MAST3: variants seen among roughly 807,000 people sequenced by gnomAD.
The protein encoded by MAST3 is microtubule-associated serine/threonine-protein kinase 3.
In MAST3, 43 loss-of-function variants were observed where a neutral mutation model predicts 127.0. That is an observed-to-expected ratio of 0.34 (90% CI 0.27 to 0.44). The LOEUF is 0.44. Among genes scored for constraint, MAST3 ranks in the 20% least tolerant of loss-of-function variants. The pLI is 1.00. For missense variants in MAST3, 1,390 were observed against 1,919.1 expected (o/e 0.72, Z 5.15); for synonymous variants, 785 against 809.2 (o/e 0.97, Z 0.51).
rs2040218432 is a variant in MAST3, at chr19:18,123,359, G to A, written c.542G>A (p.Arg181His). 2.5e-6 allele frequency: 4 copies of A among 1,612,108 alleles called. No homozygotes were observed. The highest frequency in any genetic ancestry group is 3.4e-6 in the Non-Finnish European group (4 of 1,179,542). Residue 181 changes from arginine to histidine, a missense_variant, in exon 7 of 28, where the codon CGC becomes CAC. Physicochemically the swap from Arg to His is conservative, Grantham distance 29. Coordinates refer to ENST00000687212, the MANE Select transcript of MAST3 (RefSeq NM_001393504.1). ...GGCCGGTCACCCCGCCTCCGACCCC[G>A]CTCTCGCAGTCTCAGGTGGGCCGCG... ...EGGRSPRLRP[R>H]SRSLSPGRAT...
intron 1 of MAST3, among the ~76,000 whole-genome samples, chr19:18,101,857 A>G (rs1485105050): frequency 2.3e-5 from 3 of 132,118 alleles, no homozygotes; most frequent in Admixed American, 1.6e-4. Flanking sequence ...GTGTTTCACC[A>G]TGTTGGCCAG....
At chr19:18,105,361 A>G (rs1406012579) in intron 1 of MAST3, among the ~76,000 whole-genome samples, 2 of 151,464 alleles carry the variant, frequency 1.3e-5, no homozygotes, top group Non-Finnish European at 2.9e-5. Context: ...GTGAGACTCC[A>G]TCTAAACAAA....
In MAST3 at chr19:18,110,094, C is replaced by A. The variant is rs1019939467; in HGVS notation, c.72-558C>A. The A allele has an allele frequency of 4.1e-6, 4 of 985,170 alleles. No homozygotes were observed. The African/African-American group carries it at 5.2e-5, about 13-fold the overall frequency. 61.0% of individuals were successfully genotyped at this position (985,170 alleles called of 1,614,324 possible). Reference sequence around the variant, plus strand: ...TTTCCCGCTGCGCGACCCTCGCTGCCGGGCCGGGCCTGCGCGCAGGTGCGG... The same window carrying A: ...TTTCCCGCTGCGCGACCCTCGCTGCAGGGCCGGGCCTGCGCGCAGGTGCGG... On this transcript the variant is annotated intron_variant, in intron 2 of 27. Coordinates refer to ENST00000687212, the MANE Select transcript of MAST3 (RefSeq NM_001393504.1). The surrounding 1 kb of genome is among the most constrained non-coding windows in gnomAD (Gnocchi z 4.3).
chr19:18,125,341 C>T (rs954587980), intron 11 of MAST3, among the ~76,000 whole-genome samples: 1 of 152,194 alleles, frequency 6.6e-6, no homozygotes, highest in African/African-American at 2.4e-5. Flanking sequence ...TTCCCTTTGT[C>T]CTGCAAATTC....
At position 18,128,895 on chromosome 19, in the gene MAST3, G is replaced by A. The variant is rs1233072144; in HGVS notation, c.1167G>A (p.Arg389=). The A allele has an allele frequency of 1.2e-6, 2 of 1,613,874 alleles. No homozygotes were observed. The highest frequency in any genetic ancestry group is 2.2e-5 in the South Asian group (2 of 91,086). The change falls in exon 13 of 28, where the codon AGG becomes AGA. Residue 389 remains arginine, a synonymous_variant. Transcript: ENST00000687212. ...GCGCCCTGGTCGGCCAGTCACGGAGGAAGCCATGCGAAAGCGACTTTGAGA... is the reference window on the plus strand; with the variant it reads ...GCGCCCTGGTCGGCCAGTCACGGAGAAAGCCATGCGAAAGCGACTTTGAGA... ...ESRALVGQSR[R]KPCESDFETI...
At chr19:18,114,956 G>C (rs1206395999) in intron 3 of MAST3, among the ~76,000 whole-genome samples, 1 of 152,134 alleles carries the variant, frequency 6.6e-6, no homozygotes, top group Admixed American at 6.6e-5. Flanking sequence ...CGTTGAACGG[G>C]GGTGTCTGTA....
intron 1 of MAST3, among the ~76,000 whole-genome samples, chr19:18,103,141 A>C (rs1276556368): frequency 6.6e-6 from 1 of 152,116 alleles, no homozygotes; most frequent in Non-Finnish European, 1.5e-5. Flanking sequence ...GCGGGGACCG[A>C]AGGGTCCGGG....
intron 3 of MAST3, among the ~76,000 whole-genome samples, chr19:18,114,250 C>T (rs913636610): frequency 6.7e-6 from 1 of 149,298 alleles, no homozygotes; most frequent in Non-Finnish European, 1.5e-5. Context: ...TACAGTGGTG[C>T]GATATCTCGG....
chr19:18,132,130 G>A, intron 15 of MAST3, 83 bp downstream of exon 15: 9 of 1,563,622 alleles, frequency 5.8e-6, no homozygotes, highest in Non-Finnish European at 7.8e-6. Flanking sequence ...GATCAGGGCA[G>A]AGCCTCTGAG....
intron 3 of MAST3, among the ~76,000 whole-genome samples, chr19:18,120,879 G>A (rs1407774033): frequency 6.6e-6 from 1 of 151,642 alleles, no homozygotes; most frequent in Non-Finnish European, 1.5e-5. Context: ...GCATCACCAC[G>A]CCCAGCTAAT....
chr19:18,100,128 C>CTCTCTCTCTTTTTTTTTTTTTTTTTTT (rs776661078), intron 1 of MAST3, among the ~76,000 whole-genome samples: 6 of 121,714 alleles, frequency 4.9e-5, no homozygotes, highest in African/African-American at 1.7e-4. Context: ...CTCTCTCTCT[C>CTCTCTCTCTTTTTTTTTTTTTTTTTTT]TTTTTTTTTT....
At chr19:18,125,443 C>T (rs191932074) in intron 11 of MAST3, among the ~76,000 whole-genome samples, 2 of 152,144 alleles carry the variant, frequency 1.3e-5, no homozygotes, top group Non-Finnish European at 2.9e-5. Context: ...AGAAGACGGT[C>T]AAAAACTCCC....
Position 18,145,019 on chromosome 19 carries a change from C to A in MAST3, c.2829C>A (p.Gly943=). The part of the protein sequence containing the change: ...LIITADDGSG[G]PLMSPLSPRS... ...CCCCTGCAGATGATGGCAGCGGCGG[C>A]CCCCTCATGAGCCCCCTTTCCCCGC... The change falls in exon 24 of 28, where the codon GGC becomes GGA. Residue 943 remains glycine (G), a synonymous_variant. Coordinates refer to ENST00000687212, the MANE Select transcript of MAST3 (RefSeq NM_001393504.1). This position sits in a 1 kb window ranked among gnomAD's most constrained non-coding sequence, Gnocchi z 5.9. 1 of 1,584,190 alleles carries A rather than the reference C, an allele frequency of 6.3e-7. No individual in the cohort carries two copies. The highest frequency in any genetic ancestry group is 8.6e-7 in the Non-Finnish European group (1 of 1,161,612).
At position 18,112,803 on chromosome 19, in the gene MAST3, G is replaced by A. The variant is rs2038787497; in HGVS notation, c.161+2062G>A. Among the ~76,000 whole-genome samples, 2 of 152,086 alleles carry A rather than the reference G, an allele frequency of 1.3e-5. No individual in the cohort carries two copies. The highest frequency in any genetic ancestry group is 2.9e-5 in the Non-Finnish European group (2 of 68,018). ...TTTTTTAAGCCTCTGTGTCTGCCTT[G>A]GGGGGAGAAAGTTCTGCTGGGGCCA... On this transcript the variant is annotated intron_variant, in intron 3 of 27. Transcript: ENST00000687212. This position sits in a 1 kb window ranked among gnomAD's most constrained non-coding sequence, Gnocchi z 4.1.
At position 18,149,585 on chromosome 19, in the gene MAST3, C is replaced by A; in HGVS notation, c.3903C>A (p.Phe1301Leu). ...RLHLSERRDS[F>L]KKQEAVQEVS... ...ACCTGTCCGAGCGCCGAGACTCCTT[C>A]AAGAAGCAGGAGGCCGTGCAGGAGG... Residue 1301 changes from phenylalanine (F) to leucine (L), a missense_variant, in exon 28 of 28, where the codon TTC becomes TTA. Transcript: ENST00000687212. The surrounding 1 kb of genome is among the most constrained non-coding windows in gnomAD (Gnocchi z 5.9). 6.2e-7 allele frequency: 1 copy of A among 1,608,892 alleles called. No individual in the cohort carries two copies.
intron 1 of MAST3, among the ~76,000 whole-genome samples, chr19:18,098,547 G>A (rs1599627591): frequency 6.6e-6 from 1 of 152,054 alleles, no homozygotes; most frequent in South Asian, 2.1e-4. Context: ...GGACACAGGC[G>A]TCGGGGACAG....
In MAST3 at chr19:18,122,523, C is replaced by T; in HGVS notation, c.321-150C>T. 5 of 695,240 alleles carry T rather than the reference C, an allele frequency of 7.2e-6. No homozygotes were observed. In the East Asian group the frequency reaches 8.2e-5, roughly 11 times the overall value. The allele number at this position is 695,240 out of a possible 1,614,324, so 43.1% of individuals were successfully genotyped here. On this transcript the variant is annotated intron_variant, in intron 5 of 27. Coordinates refer to ENST00000687212, the MANE Select transcript of MAST3 (RefSeq NM_001393504.1). Reference sequence around the variant, plus strand: ...CTAAAGAGAGAGAGCATGCAGTGGACTTGGTCAGCCTGTGTCTCTGTTCTT... The same window carrying T: ...CTAAAGAGAGAGAGCATGCAGTGGATTTGGTCAGCCTGTGTCTCTGTTCTT...
intron 1 of MAST3, among the ~76,000 whole-genome samples, chr19:18,105,087 A>G (rs1396741448): frequency 6.6e-6 from 1 of 152,024 alleles, no homozygotes; most frequent in African/African-American, 2.4e-5. Context: ...CTCGTGATTG[A>G]CCGGGTGCGA....
At chr19:18,138,128 T>G (rs992731371) in intron 19 of MAST3, among the ~76,000 whole-genome samples, 9 of 151,450 alleles carry the variant, frequency 5.9e-5, no homozygotes, top group Non-Finnish European at 1.3e-4. Flanking sequence ...GAGAATTGCT[T>G]GAACCCAGGA....
Sources: allele counts gnomAD v4.1 joint callset (sites outside exome capture counted in the v4.1 genomes callset), GRCh38; gene constraint gnomAD v4.1.1; non-coding constraint Gnocchi (gnomAD v3.1); transcripts MANE v1.5; gene names NCBI Gene and HGNC (gene_info 2026-07-23, HGNC 2026-07-21).